The following GAS2L3 variants were observed in gnomAD, a reference collection of about 807,000 sequenced individuals.
The protein encoded by GAS2L3 is growth arrest specific 2 like 3, also known as GAS2-like protein 3.
In GAS2L3, 28 loss-of-function variants were observed where a neutral mutation model predicts 37.0. The ratio of observed to expected loss-of-function variants is 0.76; its 90% CI spans 0.56 to 1.04. The LOEUF is 1.04. Among genes scored for constraint, GAS2L3 ranks in the 50% least tolerant of loss-of-function variants. The pLI is 0.00. For missense variants in GAS2L3, 793 were observed against 817.6 expected, an observed-to-expected ratio of 0.97 and a Z score of 0.37; for synonymous variants, 290 against 296.6, an observed-to-expected ratio of 0.98 and a Z score of 0.23.
chr12:100,583,565 G>A (rs1011356459), intron 1 of GAS2L3, among the ~76,000 whole-genome samples: 5 of 151,698 alleles, frequency 3.3e-5, no homozygotes, highest in Non-Finnish European at 5.9e-5. Context: ...TCCACCTCCC[G>A]GGTTCAAGCG....
chr12:100,580,084 A>T (rs1593157505), intron 1 of GAS2L3: 1 of 1,249,428 alleles, frequency 8.0e-7, no homozygotes, highest in East Asian at 2.3e-5. Context: ...ATGACTCCAG[A>T]TTCTTATCAT....
At chr12:100,598,279 A>G (rs1955940158) in intron 3 of GAS2L3, among the ~76,000 whole-genome samples, 1 of 152,160 alleles carries the variant, frequency 6.6e-6, no homozygotes, top group Non-Finnish European at 1.5e-5. Context: ...CTCTTTAGTT[A>G]TTAGGCTGGA....
chr12:100,580,590 G>A lies in GAS2L3; in HGVS notation c.-152+6805G>A, dbSNP rs151089098. Reference sequence around the variant, plus strand: ...GCCATTAGTTAGACACTCACTAGATGTTTACAAGTTTTCTTCAGGGAAGTA... The same window carrying A: ...GCCATTAGTTAGACACTCACTAGATATTTACAAGTTTTCTTCAGGGAAGTA... On this transcript the variant is annotated intron_variant, in intron 1 of 9. Coordinates refer to ENST00000547754, the MANE Select transcript of GAS2L3 (RefSeq NM_174942.3). Among the ~76,000 whole-genome samples the A allele has an allele frequency of 1.2e-3, 178 of 152,270 alleles. 1 individual carries two copies. Among genetic ancestry groups the A allele is most frequent in the African/African-American group, 3.9e-3 (163 of 41,550 alleles).
chr12:100,574,221 G>A (rs1048449798), intron 1 of GAS2L3, among the ~76,000 whole-genome samples: 2 of 152,156 alleles, frequency 1.3e-5, no homozygotes, highest in African/African-American at 4.8e-5. Flanking sequence ...TAGAGGGTCT[G>A]TTTTTTTCTG....
chr12:100,585,925 CCTT>C lies in GAS2L3; in HGVS notation c.-151-5808_-151-5806del, dbSNP rs1369282637. Among the ~76,000 whole-genome samples, 3 of 152,256 alleles carry C rather than the reference CCTT, an allele frequency of 2.0e-5. No homozygotes were observed. In the East Asian group the frequency reaches 5.8e-4, roughly 29 times the overall value. Reference sequence around the variant, plus strand: ...ACCTTTTCTACCCCTACTTGTTTCTCCTTCTCTCAGTGTTTCCCTAGTTCTTTT... The same window carrying C: ...ACCTTTTCTACCCCTACTTGTTTCTCCTCTCAGTGTTTCCCTAGTTCTTTT... On this transcript the variant is annotated intron_variant, in intron 1 of 9. Transcript: ENST00000547754.
rs1279465527 is a variant in GAS2L3 at position 100,626,885 on chromosome 12, T to G, written c.*1995T>G. On this transcript the variant is annotated 3_prime_UTR_variant, in exon 10 of 10. Coordinates refer to ENST00000547754, the MANE Select transcript of GAS2L3 (RefSeq NM_174942.3). ...GTTGGGCAGATCACGAAGTCAGGAG[T>G]TCGAAATCAGCCTGACCAACATGGT... 1 of 151,662 alleles carries G rather than the reference T, an allele frequency of 6.6e-6. No homozygotes were observed. Among genetic ancestry groups the G allele is most frequent in the Non-Finnish European group, 1.5e-5 (1 of 67,938 alleles). 9.4% of individuals were successfully genotyped at this position (151,662 alleles called of 1,614,324 possible).
intron 1 of GAS2L3, among the ~76,000 whole-genome samples, chr12:100,577,579 C>T (rs1446256829): frequency 6.6e-6 from 1 of 152,068 alleles, no homozygotes; most frequent in African/African-American, 2.4e-5. Flanking sequence ...TCTTAAAAAT[C>T]TTTATCTGTA....
At chr12:100,619,416 A>G (rs1956226960) in intron 8 of GAS2L3, among the ~76,000 whole-genome samples, 1 of 152,100 alleles carries the variant, frequency 6.6e-6, no homozygotes, top group African/African-American at 2.4e-5. Flanking sequence ...GGACTGTAGC[A>G]TTTTATAAAG....
chr12:100,619,990 T>C (rs921673798), intron 8 of GAS2L3, among the ~76,000 whole-genome samples: 1 of 151,986 alleles, frequency 6.6e-6, no homozygotes, highest in Non-Finnish European at 1.5e-5. Context: ...ACCTGGTGCT[T>C]TTAAATTCTA....
At chr12:100,606,360 A>G (rs1331082594) in intron 5 of GAS2L3, among the ~76,000 whole-genome samples, 1 of 151,978 alleles carries the variant, frequency 6.6e-6, no homozygotes, top group Non-Finnish European at 1.5e-5. Flanking sequence ...TTCCATTCCT[A>G]TATTTTCAGT....
intron 3 of GAS2L3, among the ~76,000 whole-genome samples, chr12:100,595,360 G>T (rs1955898077): frequency 6.7e-6 from 1 of 150,198 alleles, no homozygotes; most frequent in Non-Finnish European, 1.5e-5. Flanking sequence ...CTCTATAAAT[G>T]CCTGTATATG....
chr12:100,582,009 C>T (rs1955718958), intron 1 of GAS2L3, among the ~76,000 whole-genome samples: 1 of 152,116 alleles, frequency 6.6e-6, no homozygotes. Context: ...TAATTTTCAA[C>T]TTTCCTAGAT....
Position 100,624,692 on chromosome 12 carries a change from G to T in GAS2L3, c.1887G>T (p.Pro629=), listed in dbSNP as rs61754577. The T allele has an allele frequency of 4.5e-5, 73 of 1,614,054 alleles. No homozygotes were observed. The African/African-American group carries it at 8.8e-4, about 19-fold the overall frequency. The change falls in exon 10 of 10, where the codon CCG becomes CCT. Residue 629 remains proline, a synonymous_variant. Coordinates refer to ENST00000547754, the MANE Select transcript of GAS2L3 (RefSeq NM_174942.3). ...CTTCTACCAAAACACAAACTGCACC[G>T]AAGTCAGCACAGACTGTCGCTAAGA... ...PQSSTKTQTA[P]KSAQTVAKSQ...
intron 1 of GAS2L3, chr12:100,579,069 G>A: frequency 1.3e-6 from 1 of 743,396 alleles, no homozygotes; most frequent in Non-Finnish European, 2.5e-6. Flanking sequence ...CTCTTTCACA[G>A]TCTGCCATTG....
intron 5 of GAS2L3, among the ~76,000 whole-genome samples, chr12:100,602,802 C>T (rs1023399360): frequency 6.6e-6 from 1 of 152,126 alleles, no homozygotes; most frequent in Non-Finnish European, 1.5e-5. Flanking sequence ...CCTGCCACAA[C>T]CCTTCCCAGC....
intron 6 of GAS2L3, among the ~76,000 whole-genome samples, chr12:100,613,876 G>A (rs1956156540): frequency 6.6e-6 from 1 of 151,964 alleles, no homozygotes; most frequent in Admixed American, 6.6e-5. Flanking sequence ...TTACAGGCAT[G>A]AGCCACCACG....
intron 5 of GAS2L3, among the ~76,000 whole-genome samples, chr12:100,610,185 C>T (rs772885272): frequency 5.3e-5 from 8 of 152,106 alleles, no homozygotes; most frequent in Non-Finnish European, 8.8e-5. Context: ...AGAAAATAAT[C>T]AGAAGTTTAT....
At chr12:100,612,220 C>A in intron 6 of GAS2L3, 79 bp downstream of exon 6, 1 of 1,163,368 alleles carries the variant, frequency 8.6e-7, no homozygotes, top group Non-Finnish European at 1.3e-6. Flanking sequence ...TTTTTCTTTC[C>A]AAATAAGGAC....
chr12:100,624,187 T>G lies in GAS2L3; in HGVS notation c.1382T>G (p.Leu461Trp), dbSNP rs11834625. ...GCAGATCTGCCCGAGTCCACACTTT[T>G]GCCAAATAAGTGTTCAGGAAAAACT... ...NSADLPESTL[L>W]PNKCSGKTQP... The change falls in exon 10 of 10, where the codon TTG (leucine) becomes TGG (tryptophan). Residue 461 changes from leucine (L) to tryptophan (W), a missense_variant. Coordinates refer to ENST00000547754, the MANE Select transcript of GAS2L3 (RefSeq NM_174942.3). The G allele has an allele frequency of 6.2e-7, 1 of 1,614,004 alleles. No individual in the cohort carries two copies. The highest frequency in any genetic ancestry group is 8.5e-7 in the Non-Finnish European group (1 of 1,180,016).
Sources: gnomAD v4.1 joint callset for allele counts (sites outside exome capture counted in the v4.1 genomes callset) on GRCh38, gnomAD v4.1.1 for gene constraint, MANE v1.5 for transcripts, NCBI Gene and HGNC (gene_info 2026-07-23, HGNC 2026-07-21) for gene names.